Variants in FASTKD1 observed in about 807,000 individuals in gnomAD.
FASTKD1 encodes the protein FAST kinase domains 1.
A neutral mutation model predicts 90.9 loss-of-function variants in FASTKD1; 94 were observed. The ratio of observed to expected loss-of-function variants is 1.03; its 90% CI spans 0.88 to 1.23. FASTKD1 has a LOEUF of 1.23. Among genes scored for constraint, FASTKD1 ranks in the 50% most tolerant of loss-of-function variants. The pLI is 0.00. For missense variants in FASTKD1, 945 were observed against 993.5 expected (o/e 0.95, Z 0.66); for synonymous variants, 319 against 345.8 (o/e 0.92, Z 0.86).
chr2:169,556,490 A>G (rs1683321387), intron 6 of FASTKD1, among the ~76,000 whole-genome samples: 1 of 150,042 alleles, frequency 6.7e-6, no homozygotes, highest in South Asian at 2.1e-4. Flanking sequence ...ACACTTTGGG[A>G]TGCCGAAGTG....
chr2:169,535,025 A>G (rs2105333799), intron 12 of FASTKD1, among the ~76,000 whole-genome samples: 1 of 152,192 alleles, frequency 6.6e-6, no homozygotes, highest in East Asian at 1.9e-4. Flanking sequence ...TGAAGAAAAA[A>G]AGAAAAATAT....
At chr2:169,561,869 A>G (rs1255588426) in intron 4 of FASTKD1, among the ~76,000 whole-genome samples, 1 of 143,858 alleles carries the variant, frequency 7.0e-6, no homozygotes, top group Non-Finnish European at 1.5e-5. Flanking sequence ...TAAAATAATT[A>G]TTTATTAATT....
chr2:169,570,132 A>G (rs909592264), intron 2 of FASTKD1, among the ~76,000 whole-genome samples: 1 of 152,188 alleles, frequency 6.6e-6, no homozygotes, highest in Admixed American at 6.5e-5. Context: ...TGATATTTAC[A>G]GCCATTTAAA....
At chr2:169,569,447 T>A (rs762299499) in intron 2 of FASTKD1, among the ~76,000 whole-genome samples, 195 bp from the exon 3 acceptor site, 1 of 152,216 alleles carries the variant, frequency 6.6e-6, no homozygotes, top group African/African-American at 2.4e-5. Flanking sequence ...CTTTATCCCA[T>A]GCCCTCTCAC....
intron 9 of FASTKD1, among the ~76,000 whole-genome samples, chr2:169,541,291 T>C (rs540483239): frequency 9.2e-5 from 14 of 152,294 alleles, no homozygotes; most frequent in African/African-American, 3.4e-4. Flanking sequence ...CTTTCTTTCC[T>C]TATACTCTTT....
rs142723362 is a variant in FASTKD1, at chr2:169,546,485, T to G, written c.1434A>C (p.Lys478Asn). ...YLDNMTAKQL[K>N]LLQKLDHYGR... ...CATAGTGATCTAATTTTTGAAGTAG[T>G]TTCAGTTGTTTCGCAGTCATATTAT... The change falls in exon 8 of 15, where the codon AAA (lysine) becomes AAC (asparagine). Residue 478 changes from lysine (K) to asparagine (N), a missense_variant. Transcript: ENST00000453153. 2.2e-5 allele frequency: 35 copies of G among 1,614,062 alleles called. No homozygotes were observed. Among genetic ancestry groups the G allele is most frequent in the Middle Eastern group, 1.6e-4 (1 of 6,084 alleles).
At chr2:169,568,738 C>T (rs1312568299) in intron 3 of FASTKD1, among the ~76,000 whole-genome samples, 3 of 151,270 alleles carry the variant, frequency 2.0e-5, no homozygotes, top group Admixed American at 6.6e-5. Flanking sequence ...CGGTGGCTCA[C>T]GCCTATAATC....
At chr2:169,552,364 C>T (rs1302402962) in intron 7 of FASTKD1, among the ~76,000 whole-genome samples, 95 of 152,146 alleles carry the variant, frequency 6.2e-4, no homozygotes, top group Non-Finnish European at 1.5e-5. Flanking sequence ...TTTCTGTTAA[C>T]ATACCTAGAA....
intron 7 of FASTKD1, among the ~76,000 whole-genome samples, chr2:169,551,257 C>T (rs941691035): frequency 1.3e-5 from 2 of 152,024 alleles, no homozygotes; most frequent in African/African-American, 2.4e-5. Flanking sequence ...ACATGCATAC[C>T]CTATGAACCA....
intron 5 of FASTKD1, among the ~76,000 whole-genome samples, chr2:169,559,462 A>T (rs1683484101): frequency 6.6e-6 from 1 of 151,526 alleles, no homozygotes; most frequent in Non-Finnish European, 1.5e-5. Context: ...ACAAGGTTTC[A>T]TTCTGTGCCC....
intron 8 of FASTKD1, among the ~76,000 whole-genome samples, chr2:169,545,874 C>T (rs1197725100): frequency 1.3e-5 from 2 of 152,102 alleles, no homozygotes; most frequent in African/African-American, 2.4e-5. Flanking sequence ...TCTACAATGC[C>T]GGAATGAGAA....
chr2:169,542,948 G>C (rs1685020629), intron 9 of FASTKD1, among the ~76,000 whole-genome samples: 1 of 152,116 alleles, frequency 6.6e-6, no homozygotes, highest in African/African-American at 2.4e-5. Context: ...CTACATACAA[G>C]TTATTTTTGC....
Position 169,544,738 on chromosome 2 carries a change from T to A in FASTKD1, c.1799A>T (p.His600Leu), listed in dbSNP as rs148245019. The change falls in exon 9 of 15, where the codon CAT (histidine) becomes CTT (leucine). Residue 600 changes from histidine (H) to leucine (L), a missense_variant. By Grantham distance (99) the His-to-Leu change is moderately conservative. Coordinates refer to ENST00000453153, the MANE Select transcript of FASTKD1 (RefSeq NM_024622.6). ...RDEFLGTCVQ[H>L]LNSYLGILDP... ...ATACCTACCTAAGTAAGAATTAAGATGTTGCACGCAAGTTCCCAAAAATTC... is the reference window on the plus strand; with the variant it reads ...ATACCTACCTAAGTAAGAATTAAGAAGTTGCACGCAAGTTCCCAAAAATTC... 3.6e-4 allele frequency: 577 copies of A among 1,593,156 alleles called. 2 individuals carry two copies. In the African/African-American group the frequency reaches 7.0e-3, roughly 19 times the overall value.
intron 9 of FASTKD1, among the ~76,000 whole-genome samples, chr2:169,542,756 T>A (rs1038953959): frequency 6.6e-6 from 1 of 152,178 alleles, no homozygotes. Flanking sequence ...ATAATCAGCA[T>A]AAGAGCAGCA....
chr2:169,534,948 G>C (rs1684665391), intron 12 of FASTKD1, among the ~76,000 whole-genome samples: 1 of 151,210 alleles, frequency 6.6e-6, no homozygotes. Context: ...TCCTTTTCTA[G>C]TTTTTCTATG....
chr2:169,543,342 A>G (rs532311689), intron 9 of FASTKD1, among the ~76,000 whole-genome samples: 1 of 152,300 alleles, frequency 6.6e-6, no homozygotes, highest in African/African-American at 2.4e-5. Context: ...GCATGCCTGT[A>G]ATCCCAGCTA....
chr2:169,571,193 TCAAAACAAAA>T (rs994383799), intron 2 of FASTKD1: 2 of 149,306 alleles, frequency 1.3e-5, no homozygotes, highest in Admixed American at 6.7e-5. Context: ...AGACTCCGCC[TCAAAACAAAA>T]CAAAACAAAA....
At chr2:169,534,621 A>G (rs1457723171) in intron 12 of FASTKD1, among the ~76,000 whole-genome samples, 1 of 151,734 alleles carries the variant, frequency 6.6e-6, no homozygotes, top group Admixed American at 6.6e-5. Flanking sequence ...CACCACGCCC[A>G]GCTAATTTTG....
At chr2:169,532,879 C>T (rs988266814) in intron 12 of FASTKD1, among the ~76,000 whole-genome samples, 1 of 152,108 alleles carries the variant, frequency 6.6e-6, no homozygotes, top group Non-Finnish European at 1.5e-5. Context: ...TGCCTTCAAT[C>T]CTTCACCATT....
Sources: allele counts gnomAD v4.1 joint callset (sites outside exome capture counted in the v4.1 genomes callset), GRCh38; gene constraint gnomAD v4.1.1; transcripts MANE v1.5; gene names NCBI Gene and HGNC (gene_info 2026-07-23, HGNC 2026-07-21).